The following ZNF469 variants were observed in gnomAD, a reference collection of about 807,000 sequenced individuals.
The protein encoded by ZNF469 is zinc finger protein 469.
ZNF469 carries 1 observed loss-of-function variant against 1.0 expected under a neutral mutation model. The observed-to-expected ratio is 1.00, with a 90% CI of 0.35 to 4.73. The LOEUF is 4.73. Among genes scored for constraint, ZNF469 ranks in the 30% most tolerant of loss-of-function variants. ZNF469 has a pLI of 0.16. For missense variants in ZNF469, 6,100 were observed against 5,356.3 expected, an observed-to-expected ratio of 1.14 and a Z score of -4.33; for synonymous variants, 2,703 against 2,363.4, an observed-to-expected ratio of 1.14 and a Z score of -4.17.
At chr16:88,315,669 C>A in the ZNF469 span, among the ~76,000 whole-genome samples, 1 of 152,192 alleles carries the variant, frequency 6.6e-6, no homozygotes, top group Non-Finnish European at 1.5e-5. Context: ...GTGCGTCTGC[C>A]TGTGCAGAAG....
the ZNF469 span, among the ~76,000 whole-genome samples, chr16:88,164,879 G>A: frequency 6.6e-6 from 1 of 152,220 alleles, no homozygotes; most frequent in African/African-American, 2.4e-5. Flanking sequence ...CACTTCCCGT[G>A]GGGTTGGATC....
rs748786439 is a variant in ZNF469 at position 88,429,955 on chromosome 16, G to A, written c.2485G>A (p.Ala829Thr). ...SLAATPFPLP[A>T]SDLDMEDDAK... ...GGCCGCCACCCCCTTCCCGCTCCCT[G>A]CCTCGGACCTGGACATGGAGGATGA... is the stretch of plus-strand genomic sequence containing the variant. The change falls in exon 3 of 3, where the codon GCC becomes ACC. Residue 829 changes from alanine (A) to threonine (T), a missense_variant. Ala to Thr is a moderately conservative substitution (Grantham distance 58, BLOSUM62 0). Coordinates refer to ENST00000565624, the MANE Select transcript of ZNF469 (RefSeq NM_001367624.2). 1.3e-6 allele frequency: 2 copies of A among 1,550,324 alleles called. No individual in the cohort carries two copies. Among genetic ancestry groups the A allele is most frequent in the South Asian group, 2.4e-5 (2 of 84,060 alleles).
intron 1 of ZNF469, among the ~76,000 whole-genome samples, chr16:88,397,475 A>G (rs1349264850): frequency 2.4e-5 from 2 of 82,824 alleles, no homozygotes; most frequent in Non-Finnish European, 5.2e-5. Flanking sequence ...GAGCTGGCAA[A>G]TTTCAGGATC....
chr16:88,222,335 C>T, the ZNF469 span, among the ~76,000 whole-genome samples: 1 of 152,282 alleles, frequency 6.6e-6, no homozygotes, highest in African/African-American at 2.4e-5. Flanking sequence ...GTTGCCCAGG[C>T]TGGAATGCAG....
upstream of ZNF469, among the ~76,000 whole-genome samples, chr16:88,380,202 T>C (rs1436986648): frequency 1.1e-4 from 12 of 109,398 alleles, no homozygotes; most frequent in Non-Finnish European, 2.3e-4. Context: ...CACACAGACA[T>C]GCACTCACAC....
chr16:88,287,871 G>A, the ZNF469 span, among the ~76,000 whole-genome samples: 1 of 152,184 alleles, frequency 6.6e-6, no homozygotes, highest in Non-Finnish European at 1.5e-5. Flanking sequence ...GAGGCTTACT[G>A]AGTACTGTCA....
chr16:88,340,550 C>G, the ZNF469 span, among the ~76,000 whole-genome samples: 2 of 152,218 alleles, frequency 1.3e-5, no homozygotes, highest in Non-Finnish European at 2.9e-5. Context: ...TTTGATAGGA[C>G]TGGGGAGTGC....
At chr16:88,124,790 G>A in the ZNF469 span, among the ~76,000 whole-genome samples, 1 of 151,938 alleles carries the variant, frequency 6.6e-6, no homozygotes, top group African/African-American at 2.4e-5. Flanking sequence ...CTCCATATTG[G>A]CCAGGTTGGT....
the ZNF469 span, among the ~76,000 whole-genome samples, chr16:88,348,978 A>G: frequency 2.6e-5 from 4 of 152,110 alleles, no homozygotes; most frequent in African/African-American, 9.7e-5. Flanking sequence ...TGAGCTGGGG[A>G]CAGCATACGA....
At chr16:88,207,928 A>T in the ZNF469 span, among the ~76,000 whole-genome samples, 7 of 152,084 alleles carry the variant, frequency 4.6e-5, no homozygotes, top group African/African-American at 1.4e-4. Context: ...TGGGGGGTGG[A>T]TGTGTCTTTG....
chr16:88,132,731 G>C, the ZNF469 span, among the ~76,000 whole-genome samples: 4 of 152,222 alleles, frequency 2.6e-5, no homozygotes, highest in African/African-American at 9.6e-5. Context: ...GGGCTTGGTG[G>C]CTGTGCACCT....
the ZNF469 span, among the ~76,000 whole-genome samples, chr16:88,321,248 T>C: frequency 1.3e-5 from 2 of 152,254 alleles, no homozygotes; most frequent in African/African-American, 2.4e-5. Flanking sequence ...CTGAAATCCG[T>C]AGGGCAGGCT....
At chr16:88,230,835 C>A in the ZNF469 span, among the ~76,000 whole-genome samples, 2 of 152,322 alleles carry the variant, frequency 1.3e-5, no homozygotes, top group South Asian at 4.1e-4. Context: ...CTCCCTGGCC[C>A]CGTGGCCTCT....
chr16:88,191,289 G>T, the ZNF469 span, among the ~76,000 whole-genome samples: 1 of 152,170 alleles, frequency 6.6e-6, no homozygotes, highest in African/African-American at 2.4e-5. Context: ...GGCACCCGAG[G>T]TTCCAGCTGG....
the ZNF469 span, among the ~76,000 whole-genome samples, chr16:88,180,327 A>G: frequency 3.9e-5 from 6 of 152,330 alleles, no homozygotes; most frequent in East Asian, 5.8e-4. Context: ...AAAATAACAT[A>G]AAAACATAAG....
the ZNF469 span, among the ~76,000 whole-genome samples, chr16:88,336,832 A>C: frequency 1.4e-3 from 209 of 152,280 alleles, no homozygotes; most frequent in African/African-American, 4.5e-3. Context: ...ATCATCCCCA[A>C]AACAAACCCC....
the ZNF469 span, among the ~76,000 whole-genome samples, chr16:88,110,398 C>A: frequency 1.3e-5 from 2 of 152,290 alleles, no homozygotes; most frequent in African/African-American, 4.8e-5. Context: ...CAGCCTACCA[C>A]GGTCTCCGTC....
rs281165936 is a variant in ZNF469, at chr16:88,427,500, G to A, written c.30G>A (p.Pro10=). 6.4e-5 allele frequency: 98 copies of A among 1,528,596 alleles called. No homozygotes were observed. Among genetic ancestry groups the A allele is most frequent in the Non-Finnish European group, 7.5e-5 (86 of 1,141,560 alleles). 94.7% of individuals were successfully genotyped at this position (1,528,596 alleles called of 1,614,324 possible). Residue 10 remains proline, a synonymous_variant, in exon 3 of 3, where the codon CCG becomes CCA. Coordinates refer to ENST00000565624, the MANE Select transcript of ZNF469 (RefSeq NM_001367624.2). ...CTGGGGAGCGCCCCCGAGGAGCGCCGCCCCCCACCATGACTGGAGACCTGC... is the reference window on the plus strand; with the variant it reads ...CTGGGGAGCGCCCCCGAGGAGCGCCACCCCCCACCATGACTGGAGACCTGC... MPGERPRGA[P]PPTMTGDLQP... is the part of the protein sequence containing the mutation.
chr16:88,150,124 A>G, the ZNF469 span, among the ~76,000 whole-genome samples: 8 of 152,196 alleles, frequency 5.3e-5, no homozygotes, highest in South Asian at 4.1e-4. Flanking sequence ...CCTGGCCAAC[A>G]TGGTGAAACC....
Sources: gnomAD v4.1 joint callset for allele counts (sites outside exome capture counted in the v4.1 genomes callset) on GRCh38, gnomAD v4.1.1 for gene constraint, MANE v1.5 for transcripts, NCBI Gene and HGNC (gene_info 2026-07-23, HGNC 2026-07-21) for gene names.